COL25A1: variants seen among roughly 807,000 people sequenced by gnomAD.
The protein encoded by COL25A1 is collagen type XXV alpha 1 chain.
A neutral mutation model predicts 128.4 loss-of-function variants in COL25A1; 103 were observed. The ratio of observed to expected loss-of-function variants is 0.80; its 90% CI spans 0.68 to 0.94. The LOEUF (loss-of-function observed/expected upper bound fraction) is 0.94, where lower values mean the gene tolerates loss of function less well. Ranked by LOEUF, COL25A1 falls within the 40% of genes least tolerant of loss-of-function variation. The pLI, the probability that COL25A1 is intolerant of heterozygous loss-of-function variation, is 0.00. For missense variants in COL25A1, 745 were observed against 840.0 expected, an observed-to-expected ratio of 0.89 and a Z score of 1.40; for synonymous variants, 279 against 277.2, an observed-to-expected ratio of 1.01 and a Z score of -0.06.
rs57643656 is a variant in COL25A1, at chr4:109,265,518, CGTGTGTGTGTGTGTGT to C, written c.367+35049_367+35064del. On this transcript the variant is annotated intron_variant, in intron 3 of 37. Coordinates refer to ENST00000399132, the MANE Select transcript of COL25A1 (RefSeq NM_198721.4). ...GTGTTTTCTTACAGTAATAACAGTA[CGTGTGTGTGTGTGTGT>C]GTGTGTGTGTGTGTGTGTGTGTGTG... Among the ~76,000 whole-genome samples, 182 of 129,700 alleles carry C rather than the reference CGTGTGTGTGTGTGTGT, an allele frequency of 1.4e-3. 1 individual carries two copies. Among genetic ancestry groups the C allele is most frequent in the African/African-American group, 4.5e-3 (161 of 36,016 alleles). 85.1% of individuals were successfully genotyped at this position (129,700 alleles called of 152,430 possible).
At chr4:109,209,270 A>C (rs933768516) in intron 3 of COL25A1, among the ~76,000 whole-genome samples, 3 of 152,168 alleles carry the variant, frequency 2.0e-5, no homozygotes, top group African/African-American at 7.2e-5. Context: ...AACTAATCAC[A>C]TAACAATGCT....
At chr4:109,176,560 G>A (rs1438083502) in intron 3 of COL25A1, among the ~76,000 whole-genome samples, 1 of 152,128 alleles carries the variant, frequency 6.6e-6, no homozygotes, top group Non-Finnish European at 1.5e-5. Context: ...AGAGTAGAGT[G>A]CTGAATGAGT....
intron 33 of COL25A1, among the ~76,000 whole-genome samples, 169 bp from the exon 34 acceptor site, chr4:108,825,391 C>G (rs1428398870): frequency 6.6e-6 from 1 of 152,068 alleles, no homozygotes; most frequent in Non-Finnish European, 1.5e-5. Context: ...AGTTAAGGGT[C>G]ATGAAAATTT....
chr4:108,961,609 CTG>C (rs1276472875), intron 8 of COL25A1, among the ~76,000 whole-genome samples: 4 of 151,942 alleles, frequency 2.6e-5, no homozygotes, highest in Non-Finnish European at 5.9e-5. Flanking sequence ...CTGTTCTGTT[CTG>C]TTCTGTTCTG....
chr4:108,921,836 T>C (rs1367015078), intron 11 of COL25A1, among the ~76,000 whole-genome samples: 1 of 152,186 alleles, frequency 6.6e-6, no homozygotes, highest in Non-Finnish European at 1.5e-5. Flanking sequence ...ATGAGCTTGT[T>C]ATTTGGTTTA....
chr4:108,833,000 T>TAAATAAATAAATAAATAAATAAAG (rs1336061670), intron 31 of COL25A1, among the ~76,000 whole-genome samples: 3 of 151,870 alleles, frequency 2.0e-5, no homozygotes, highest in Non-Finnish European at 4.4e-5. Flanking sequence ...AATAAATAAA[T>TAAATAAATAAATAAATAAATAAAG]AAAGCATCTT....
chr4:109,245,402 C>T (rs773230684), intron 3 of COL25A1, among the ~76,000 whole-genome samples: 5 of 152,010 alleles, frequency 3.3e-5, no homozygotes, highest in East Asian at 1.9e-4. Flanking sequence ...AAGGCCACTC[C>T]GGAGAAGTCG....
chr4:108,891,820 G>C (rs1427581779), intron 16 of COL25A1, among the ~76,000 whole-genome samples: 2 of 151,816 alleles, frequency 1.3e-5, no homozygotes, highest in Non-Finnish European at 2.9e-5. Flanking sequence ...ATTAATTGTA[G>C]TTGAATTCAA....
At chr4:109,172,324 A>G (rs1773662971) in intron 3 of COL25A1, among the ~76,000 whole-genome samples, 1 of 152,176 alleles carries the variant, frequency 6.6e-6, no homozygotes, top group African/African-American at 2.4e-5. Flanking sequence ...AAAAAATGCG[A>G]TAAGATATAA....
chr4:108,948,913 T>TA (rs1749084090), intron 8 of COL25A1, among the ~76,000 whole-genome samples: 1 of 152,224 alleles, frequency 6.6e-6, no homozygotes, highest in Admixed American at 6.5e-5. Context: ...GTGCCTAAAC[T>TA]ATTCATATAG....
chr4:109,028,545 G>A (rs944638255), intron 5 of COL25A1, among the ~76,000 whole-genome samples: 1 of 152,116 alleles, frequency 6.6e-6, no homozygotes, highest in Non-Finnish European at 1.5e-5. Context: ...GCCAACAAGG[G>A]TGAAACCTCA....
intron 18 of COL25A1, among the ~76,000 whole-genome samples, chr4:108,886,483 TGTGTGTGTG>T (rs781597098): frequency 0.07 from 9,355 of 133,922 alleles, 560 homozygotes; most frequent in Non-Finnish European, 0.076. Flanking sequence ...TGTGTGTGTG[TGTGTGTGTG>T]TTTAGCTCAT....
intron 13 of COL25A1, among the ~76,000 whole-genome samples, chr4:108,905,490 A>C (rs1234215826): frequency 6.6e-6 from 1 of 151,528 alleles, no homozygotes; most frequent in Non-Finnish European, 1.5e-5. Context: ...CAATGTGCAC[A>C]TGTACCCTAA....
At chr4:108,888,619 A>C (rs1741094749) in intron 18 of COL25A1, among the ~76,000 whole-genome samples, 1 of 152,242 alleles carries the variant, frequency 6.6e-6, no homozygotes, top group African/African-American at 2.4e-5. Context: ...AAATAAAAAA[A>C]CAAAAACTAA....
chr4:108,933,851 G>GAA (rs137976240), intron 11 of COL25A1, among the ~76,000 whole-genome samples: 47 of 148,774 alleles, frequency 3.2e-4, no homozygotes, highest in African/African-American at 1.1e-3. Context: ...CAAGTTCACA[G>GAA]ACACACACAC....
intron 8 of COL25A1, among the ~76,000 whole-genome samples, chr4:108,955,914 ATGAAAAC>A (rs932051509): frequency 5.3e-5 from 8 of 152,198 alleles, no homozygotes; most frequent in African/African-American, 1.4e-4. Flanking sequence ...GAGATTACTA[ATGAAAAC>A]TTTGCAAATA....
chr4:109,010,310 G>A, intron 6 of COL25A1, 48 bp downstream of exon 6: 1 of 1,484,540 alleles, frequency 6.7e-7, no homozygotes, highest in Non-Finnish European at 9.2e-7. Context: ...CCTCCACACT[G>A]GGAAAATCCT....
chr4:109,173,016 A>G (rs1773731802), intron 3 of COL25A1, among the ~76,000 whole-genome samples: 1 of 152,198 alleles, frequency 6.6e-6, no homozygotes. Flanking sequence ...GATCTTTAGA[A>G]AAGTACCATT....
At chr4:108,954,778 G>T (rs1280201906) in intron 8 of COL25A1, among the ~76,000 whole-genome samples, 1 of 151,832 alleles carries the variant, frequency 6.6e-6, no homozygotes, top group Non-Finnish European at 1.5e-5. Flanking sequence ...AATTTTAAAT[G>T]ATATATATGC....
Sources: allele counts gnomAD v4.1 joint callset (sites outside exome capture counted in the v4.1 genomes callset), GRCh38; gene constraint gnomAD v4.1.1; transcripts MANE v1.5; gene names NCBI Gene and HGNC (gene_info 2026-07-23, HGNC 2026-07-21).